FRAS1: variants seen among roughly 807,000 people sequenced by gnomAD.
The protein encoded by FRAS1 is extracellular matrix organizing protein FRAS1.
A neutral mutation model predicts 435.2 loss-of-function variants in FRAS1; 290 were observed. The ratio of observed to expected loss-of-function variants is 0.67; its 90% CI spans 0.61 to 0.73. The LOEUF (loss-of-function observed/expected upper bound fraction) is 0.73, where lower values mean the gene tolerates loss of function less well. Ranked by LOEUF, FRAS1 falls within the 30% of genes least tolerant of loss-of-function variation. The probability of loss-of-function intolerance (pLI) is 0.00; values close to 1 mark genes in which losing one functional copy is unlikely to be tolerated. For missense variants in FRAS1, 4,860 were observed against 5,001.5 expected (o/e 0.97, Z 0.85); for synonymous variants, 1,800 against 1,851.0 (o/e 0.97, Z 0.71).
chr4:78,337,568 A>G, intron 19 of FRAS1, 106 bp from the exon 20 acceptor site: 2 of 1,287,386 alleles, frequency 1.6e-6, no homozygotes, highest in South Asian at 2.8e-5. Flanking sequence ...AAAGATGATT[A>G]GAGTTGGAGG....
At position 78,481,820 on chromosome 4, in the gene FRAS1, A is replaced by T; in HGVS notation, c.8460A>T (p.Pro2820=). The change falls in exon 57 of 74, where the codon CCA becomes CCT. Residue 2820 remains proline, a synonymous_variant. Coordinates refer to ENST00000512123, the MANE Select transcript of FRAS1 (RefSeq NM_025074.7). ...TTAATTCAGGCACAGTAAAGATTCC[A>T]GTTATCCGCCATGGTACTGACCTCT... The part of the protein sequence containing the change: ...VSEDAGTVKI[P]VIRHGTDLST... 6.2e-7 allele frequency: 1 copy of T among 1,613,922 alleles called. No homozygotes were observed. The highest frequency in any genetic ancestry group is 8.5e-7 in the Non-Finnish European group (1 of 1,179,806).
intron 52 of FRAS1, 146 bp from the exon 53 acceptor site, chr4:78,473,292 T>A (rs1396603391): frequency 1.8e-6 from 1 of 560,932 alleles, no homozygotes; most frequent in Admixed American, 3.0e-5. Context: ...AACATTTATT[T>A]TAACAACTAC....
At chr4:78,075,973 A>T (rs1740618252) in intron 2 of FRAS1, among the ~76,000 whole-genome samples, 1 of 152,196 alleles carries the variant, frequency 6.6e-6, no homozygotes, top group South Asian at 2.1e-4. Context: ...TTTGAATTAC[A>T]TTCTGTAGGC....
At position 78,350,044 on chromosome 4, in the gene FRAS1, C is replaced by G. The variant is rs1382177185; in HGVS notation, c.2422+12227C>G. On this transcript the variant is annotated intron_variant, in intron 20 of 73. Transcript: ENST00000512123. ...AAATTCTGCAATTAAAAGACACAGA[C>G]TGGCAAGTTGGATAAAGAGTCAAGA... 1.5e-4 allele frequency among the ~76,000 whole-genome samples: 2 copies of G among 13,622 alleles called. 1 individual carries two copies. Among genetic ancestry groups the G allele is most frequent in the African/African-American group, 1.9e-3 (2 of 1,032 alleles). 8.9% of individuals were successfully genotyped at this position (13,622 alleles called of 152,430 possible).
intron 9 of FRAS1, among the ~76,000 whole-genome samples, chr4:78,272,486 G>C (rs1424483135): frequency 6.6e-6 from 1 of 152,112 alleles, no homozygotes; most frequent in East Asian, 1.9e-4. Context: ...ATTAATTTTT[G>C]TATAAGGTGT....
chr4:78,241,519 G>T (rs1725002670), intron 3 of FRAS1, among the ~76,000 whole-genome samples: 1 of 152,146 alleles, frequency 6.6e-6, no homozygotes, highest in Non-Finnish European at 1.5e-5. Flanking sequence ...CCTTAGGAGG[G>T]AAATGGTAAT....
At chr4:78,077,058 A>G (rs1740670010) in intron 2 of FRAS1, among the ~76,000 whole-genome samples, 1 of 152,218 alleles carries the variant, frequency 6.6e-6, no homozygotes, top group Admixed American at 6.5e-5. Flanking sequence ...GTATCTTTAA[A>G]ACTATGAACT....
intron 2 of FRAS1, among the ~76,000 whole-genome samples, chr4:78,198,060 G>A (rs1722892574): frequency 1.3e-5 from 2 of 152,116 alleles, no homozygotes; most frequent in East Asian, 3.8e-4. Context: ...CTTTATTTTG[G>A]GGGTTGCAGG....
chr4:78,067,240 C>G (rs1180943377), intron 2 of FRAS1, among the ~76,000 whole-genome samples: 3 of 152,120 alleles, frequency 2.0e-5, no homozygotes, highest in Non-Finnish European at 4.4e-5. Context: ...ATTCCATACT[C>G]TTTCCCCTTT....
At chr4:78,466,177 C>G (rs779988535) in intron 49 of FRAS1, 31 bp from the exon 50 acceptor site, 1 of 1,593,672 alleles carries the variant, frequency 6.3e-7, no homozygotes, top group East Asian at 2.2e-5. Flanking sequence ...TATGAGCTTC[C>G]CTCCCCTCTG....
chr4:78,119,134 A>G (rs1718862877), intron 2 of FRAS1, among the ~76,000 whole-genome samples: 1 of 152,210 alleles, frequency 6.6e-6, no homozygotes, highest in South Asian at 2.1e-4. Flanking sequence ...TAGTGATCAG[A>G]TCATGGCAAT....
rs562315223 is a variant in FRAS1, at chr4:78,146,508, A to T, written c.108+80492A>T. Among the ~76,000 whole-genome samples, 621 of 152,188 alleles carry T rather than the reference A, an allele frequency of 4.1e-3. 5 individuals carry two copies. The highest frequency in any genetic ancestry group is 0.014 in the African/African-American group (586 of 41,526). On this transcript the variant is annotated intron_variant, in intron 2 of 73. Coordinates refer to ENST00000512123, the MANE Select transcript of FRAS1 (RefSeq NM_025074.7). ...ACTTTTTAGAGCTTTTTATTATAGA[A>T]AATTATACCCCAAAACATAGCGAGA...
chr4:78,087,444 G>A (rs1741245389), intron 2 of FRAS1, among the ~76,000 whole-genome samples: 1 of 152,144 alleles, frequency 6.6e-6, no homozygotes, highest in South Asian at 2.1e-4. Flanking sequence ...GCAGGAGAAG[G>A]AAATAAAGGG....
chr4:78,427,140 T>C (rs996318240), intron 35 of FRAS1, among the ~76,000 whole-genome samples: 10 of 152,202 alleles, frequency 6.6e-5, no homozygotes, highest in African/African-American at 2.4e-4. Flanking sequence ...CCCTCATGAA[T>C]GGTTTAATCA....
Position 78,375,895 on chromosome 4 carries a change from C to T in FRAS1, c.3292+16C>T. The T allele has an allele frequency of 1.2e-6, 2 of 1,613,438 alleles. No individual in the cohort carries two copies. The highest frequency in any genetic ancestry group is 1.7e-6 in the Non-Finnish European group (2 of 1,179,510). On this transcript the variant is annotated intron_variant, in intron 26 of 73. Transcript: ENST00000512123. ...ACATGTTCTGGTAAGTGCTTCTCCT[C>T]AGATGGTCTGGTGAATTTACCAATA...
At chr4:78,136,459 T>C (rs1719925156) in intron 2 of FRAS1, among the ~76,000 whole-genome samples, 1 of 152,162 alleles carries the variant, frequency 6.6e-6, no homozygotes, top group Non-Finnish European at 1.5e-5. Context: ...AATCCATGCA[T>C]AATGAGGATC....
intron 2 of FRAS1, among the ~76,000 whole-genome samples, chr4:78,173,798 G>A (rs965553995): frequency 6.6e-6 from 1 of 152,176 alleles, no homozygotes; most frequent in Non-Finnish European, 1.5e-5. Flanking sequence ...TTACTGGGAG[G>A]CTATGGAGAA....
At chr4:78,124,936 C>G (rs1393560246) in intron 2 of FRAS1, among the ~76,000 whole-genome samples, 3 of 152,160 alleles carry the variant, frequency 2.0e-5, no homozygotes, top group African/African-American at 7.2e-5. Flanking sequence ...TTTCAGAAAA[C>G]CAGCCAATGC....
intron 29 of FRAS1, among the ~76,000 whole-genome samples, chr4:78,398,477 T>G (rs1341424093): frequency 6.6e-6 from 1 of 152,136 alleles, no homozygotes; most frequent in Non-Finnish European, 1.5e-5. Context: ...ACACAGGAAT[T>G]ATAGAGAATT....
Sources: allele counts gnomAD v4.1 joint callset (sites outside exome capture counted in the v4.1 genomes callset), GRCh38; gene constraint gnomAD v4.1.1; transcripts MANE v1.5; gene names NCBI Gene and HGNC (gene_info 2026-07-23, HGNC 2026-07-21).